Variants in DGKB observed in about 807,000 individuals in gnomAD.
DGKB encodes the protein diacylglycerol kinase beta, also known as 90 kDa diacylglycerol kinase.
Under a neutral mutation model 114.3 loss-of-function variants are expected in DGKB, and 67 were observed. The observed-to-expected ratio is 0.59, with a 90% CI of 0.48 to 0.72. DGKB has a LOEUF of 0.72. Among genes scored for constraint, DGKB ranks in the 30% least tolerant of loss-of-function variants. The pLI is 0.00. For synonymous variants in DGKB, 398 were observed against 323.1 expected (o/e 1.23, Z -2.49); for missense variants, 907 against 975.2 (o/e 0.93, Z 0.93).
intron 1 of DGKB, among the ~76,000 whole-genome samples, chr7:14,854,283 T>G (rs1849806095): frequency 6.6e-6 from 1 of 152,204 alleles, no homozygotes; most frequent in Admixed American, 6.5e-5. Context: ...CTGATTCTCA[T>G]GGTGAGCAAA....
chr7:14,529,504 T>C (rs1376127165), intron 20 of DGKB, among the ~76,000 whole-genome samples: 3 of 151,834 alleles, frequency 2.0e-5, no homozygotes, highest in Non-Finnish European at 4.4e-5. Context: ...ATTATAATAA[T>C]ATTTTGTACA....
At chr7:14,352,907 G>C (rs781692652) in intron 21 of DGKB, among the ~76,000 whole-genome samples, 12 of 151,880 alleles carry the variant, frequency 7.9e-5, no homozygotes, top group Non-Finnish European at 1.2e-4. Context: ...TGGGCAACAA[G>C]AGCGAAACTC....
intron 20 of DGKB, among the ~76,000 whole-genome samples, chr7:14,525,162 G>A (rs919060563): frequency 6.6e-6 from 1 of 151,930 alleles, no homozygotes; most frequent in Non-Finnish European, 1.5e-5. Context: ...TATGATCTCT[G>A]GTTTGGTAAC....
At chr7:14,740,781 C>T (rs942317819) in intron 4 of DGKB, among the ~76,000 whole-genome samples, 71 of 152,212 alleles carry the variant, frequency 4.7e-4, no homozygotes, top group African/African-American at 1.6e-3. Flanking sequence ...CGGGGAAGTG[C>T]GGATAATCCC....
chr7:14,774,213 G>C (rs1396606421), intron 2 of DGKB, among the ~76,000 whole-genome samples: 1 of 152,092 alleles, frequency 6.6e-6, no homozygotes, highest in Non-Finnish European at 1.5e-5. Flanking sequence ...GAAAACACTT[G>C]GAAAGTATCT....
intron 1 of DGKB, among the ~76,000 whole-genome samples, chr7:14,842,046 C>T (rs1402651839): frequency 1.3e-5 from 2 of 152,206 alleles, no homozygotes; most frequent in East Asian, 3.8e-4. Flanking sequence ...CATGGACCTA[C>T]ATTCACTGGC....
chr7:14,308,884 C>G (rs979347937), intron 23 of DGKB, among the ~76,000 whole-genome samples: 6 of 152,102 alleles, frequency 3.9e-5, no homozygotes, highest in Non-Finnish European at 8.8e-5. Context: ...TTTGTTACAG[C>G]CTTTGAGTTA....
intron 21 of DGKB, among the ~76,000 whole-genome samples, chr7:14,422,903 A>G (rs1024824121): frequency 6.6e-5 from 10 of 152,000 alleles, no homozygotes; most frequent in South Asian, 4.1e-4. Context: ...AGTTCTTTAC[A>G]TACATTATTC....
At chr7:14,900,582 T>C (rs563015639) in intron 1 of DGKB, among the ~76,000 whole-genome samples, 3 of 152,242 alleles carry the variant, frequency 2.0e-5, no homozygotes, top group Admixed American at 6.5e-5. Context: ...GTTCTTTCAA[T>C]AGTGTGCAAG....
chr7:14,719,347 G>A (rs1410369248), intron 5 of DGKB, among the ~76,000 whole-genome samples: 2 of 152,074 alleles, frequency 1.3e-5, no homozygotes, highest in South Asian at 2.1e-4. Flanking sequence ...ATCTGTGTCT[G>A]TTCTATCACA....
At chr7:14,213,227 GTA>G (rs1009509278) in intron 23 of DGKB, among the ~76,000 whole-genome samples, 1 of 152,044 alleles carries the variant, frequency 6.6e-6, no homozygotes, top group East Asian at 1.9e-4. Context: ...AAATACCACA[GTA>G]TATATATCCC....
At chr7:14,861,944 C>T (rs887943269) in intron 1 of DGKB, among the ~76,000 whole-genome samples, 5 of 152,048 alleles carry the variant, frequency 3.3e-5, no homozygotes, top group Admixed American at 3.3e-4. Flanking sequence ...TAAGGTGATG[C>T]GTCACCGTTT....
Position 14,900,084 on chromosome 7 carries a change from A to T in DGKB, c.-188+2508T>A, listed in dbSNP as rs558380682. 2.4e-4 allele frequency among the ~76,000 whole-genome samples: 36 copies of T among 152,286 alleles called. No homozygotes were observed. The South Asian group carries it at 7.5e-3, about 32-fold the overall frequency. ...TTGACACAGTATGTGCAACTGCTGC[A>T]CTCAAAATAACTGCCCACTACTACT... On this transcript the variant is annotated intron_variant, in intron 1 of 25. Transcript: ENST00000402815.
intron 5 of DGKB, among the ~76,000 whole-genome samples, chr7:14,729,367 C>T (rs956834737): frequency 7.2e-5 from 11 of 152,112 alleles, no homozygotes; most frequent in African/African-American, 2.4e-4. Context: ...TGTGATTCGC[C>T]CACCTTGGCC....
At chr7:14,499,260 G>A (rs1199517215) in intron 20 of DGKB, among the ~76,000 whole-genome samples, 2 of 151,574 alleles carry the variant, frequency 1.3e-5, no homozygotes, top group African/African-American at 4.8e-5. Flanking sequence ...AGTTTGTTCT[G>A]GGCTGGTATC....
intron 21 of DGKB, among the ~76,000 whole-genome samples, chr7:14,369,767 G>A (rs1817315764): frequency 6.6e-6 from 1 of 152,050 alleles, no homozygotes; most frequent in African/African-American, 2.4e-5. Context: ...TGATGTGGTT[G>A]TTTGTTTTTT....
intron 7 of DGKB, among the ~76,000 whole-genome samples, chr7:14,701,311 C>G (rs1825130192): frequency 6.6e-6 from 1 of 152,158 alleles, no homozygotes; most frequent in African/African-American, 2.4e-5. Flanking sequence ...TACTTATAGT[C>G]TCAAGTTTCC....
intron 1 of DGKB, among the ~76,000 whole-genome samples, chr7:14,866,523 T>G (rs562564219): frequency 6.6e-6 from 1 of 152,326 alleles, no homozygotes; most frequent in Admixed American, 6.5e-5. Context: ...ACTTAGTAAT[T>G]TGCATTTAAG....
chr7:14,793,413 A>G (rs1840968154), intron 2 of DGKB, among the ~76,000 whole-genome samples: 1 of 151,954 alleles, frequency 6.6e-6, no homozygotes, highest in Non-Finnish European at 1.5e-5. Context: ...TAAATGCCAT[A>G]TTGCTCCTTT....
Sources: gnomAD v4.1 joint callset for allele counts (sites outside exome capture counted in the v4.1 genomes callset) on GRCh38, gnomAD v4.1.1 for gene constraint, MANE v1.5 for transcripts, NCBI Gene and HGNC (gene_info 2026-07-23, HGNC 2026-07-21) for gene names.